PRDM1: variants seen among roughly 807,000 people sequenced by gnomAD.
PRDM1 encodes the protein PR domain zinc finger protein 1.
In PRDM1, 13 loss-of-function variants were observed where a neutral mutation model predicts 62.8. The ratio of observed to expected loss-of-function variants is 0.21; its 90% confidence interval spans 0.13 to 0.33. The LOEUF (loss-of-function observed/expected upper bound fraction) is 0.33, where lower values mean the gene tolerates loss of function less well. Among genes scored for constraint, PRDM1 ranks in the 10% least tolerant of loss-of-function variants. The pLI is 1.00. For missense variants in PRDM1, 895 were observed against 1,058.8 expected (o/e 0.85, Z 2.15); for synonymous variants, 396 against 417.6 (o/e 0.95, Z 0.63).
At chr6:106,005,070 A>C (rs76071086) in intron 1 of PRDM1, among the ~76,000 whole-genome samples, 1,610 of 152,326 alleles carry the variant, frequency 0.011, 24 homozygotes, top group Middle Eastern at 0.024. Flanking sequence ...TGCTTGCTGC[A>C]ATCTTCTTAA....
Position 106,107,677 on chromosome 6 carries a change from CATATATATATATAT to C in PRDM1, c.*200_*213del, listed in dbSNP as rs60217130. The C allele has an allele frequency of 6.0e-5, 12 of 199,010 alleles. 2 individuals are homozygous for C. Among genetic ancestry groups the C allele is most frequent in the Non-Finnish European group, 9.8e-5 (10 of 101,536 alleles). 12.3% of individuals were successfully genotyped at this position (199,010 alleles called of 1,614,324 possible). A position where few individuals can be genotyped will look rare whatever the true frequency, so the allele number is the denominator to read the frequency against. Reference sequence around the variant, plus strand: ...CTCAGGGCATGAACAAGGCAAAGGCCATATATATATATATATATATATCTGTATACATATTATAT... The same window carrying C: ...CTCAGGGCATGAACAAGGCAAAGGCCATATATATCTGTATACATATTATAT... On this transcript the variant is annotated 3_prime_UTR_variant, in exon 7 of 7. Transcript: ENST00000369096.
chr6:106,087,517 C>T (rs908849055), intron 1 of PRDM1: 2 of 232,710 alleles, frequency 8.6e-6, no homozygotes, highest in Admixed American at 1.1e-4. Context: ...TTTTCCTCCT[C>T]TTTTCCTGTG....
intron 3 of PRDM1, chr6:106,098,811 C>CGGGG: frequency 6.6e-7 from 1 of 1,514,638 alleles, no homozygotes. Context: ...AAGCCTTGGG[C>CGGGG]GGGGGTGTAG....
intron 1 of PRDM1, among the ~76,000 whole-genome samples, chr6:106,039,111 CTTCT>C (rs35486140): frequency 0.53 from 80,772 of 151,500 alleles, 22,014 homozygotes; most frequent in East Asian, 0.79. Context: ...AGTAAGTAAT[CTTCT>C]TTCTTGTTCA....
At chr6:106,063,921 G>C (rs532290647) in intron 1 of PRDM1, among the ~76,000 whole-genome samples, 8 of 152,286 alleles carry the variant, frequency 5.3e-5, no homozygotes, top group Admixed American at 4.6e-4. Context: ...ATAGAGAATA[G>C]CTTTGAATTT....
chr6:106,098,340 G>C, intron 3 of PRDM1: 1 of 985,364 alleles, frequency 1.0e-6, no homozygotes, highest in South Asian at 4.7e-5. Context: ...CAGTAAGAGT[G>C]TACGTTTTAA....
At chr6:105,992,976 A>G (rs375927730), upstream of PRDM1, among the ~76,000 whole-genome samples, 1 of 152,218 alleles carries the variant, frequency 6.6e-6, no homozygotes, top group African/African-American at 2.4e-5. Context: ...CCTTCCTCCA[A>G]AAGGATGGTT....
intron 1 of PRDM1, among the ~76,000 whole-genome samples, chr6:106,077,228 G>A (rs1263677115): frequency 6.6e-6 from 1 of 152,178 alleles, no homozygotes; most frequent in Non-Finnish European, 1.5e-5. Flanking sequence ...TGGGAGCTGA[G>A]AACCATTTTA....
chr6:106,030,647 C>A (rs974033336), intron 1 of PRDM1, among the ~76,000 whole-genome samples: 2 of 152,062 alleles, frequency 1.3e-5, no homozygotes, highest in African/African-American at 4.8e-5. Context: ...TTTCTTATGG[C>A]AGTTTCATAG....
chr6:106,031,865 TGA>T (rs1281865524), intron 1 of PRDM1, among the ~76,000 whole-genome samples: 2 of 152,076 alleles, frequency 1.3e-5, no homozygotes, highest in East Asian at 3.9e-4. Context: ...CGAGTTGGAG[TGA>T]GAGTCTGATC....
intron 1 of PRDM1, among the ~76,000 whole-genome samples, chr6:106,015,078 G>T (rs2114553734): frequency 6.6e-6 from 1 of 152,286 alleles, no homozygotes; most frequent in East Asian, 1.9e-4. Flanking sequence ...CCAACCAAGG[G>T]TTCCCTTTGC....
intron 1 of PRDM1, among the ~76,000 whole-genome samples, chr6:106,018,771 C>G (rs985137676): frequency 6.6e-6 from 1 of 152,000 alleles, no homozygotes; most frequent in African/African-American, 2.4e-5. Flanking sequence ...TTATCACTGT[C>G]GACGTTAACC....
intron 2 of PRDM1, among the ~76,000 whole-genome samples, chr6:106,089,752 G>A (rs1773911314): frequency 1.3e-5 from 2 of 152,166 alleles, no homozygotes; most frequent in African/African-American, 2.4e-5. Flanking sequence ...CTCTCAATAT[G>A]TGGCCCTTGG....
chr6:106,022,717 C>T (rs910173834), intron 1 of PRDM1, among the ~76,000 whole-genome samples: 2 of 151,980 alleles, frequency 1.3e-5, no homozygotes, highest in Non-Finnish European at 2.9e-5. Context: ...GAGCCACCCG[C>T]CCAGCCTTTT....
chr6:106,098,706 G>A, intron 3 of PRDM1: 1 of 1,383,696 alleles, frequency 7.2e-7, no homozygotes, highest in East Asian at 3.7e-5. Flanking sequence ...GCCCCACCCA[G>A]TGTTTCCACA....
chr6:106,084,481 T>C (rs1011525338), upstream of PRDM1, among the ~76,000 whole-genome samples: 6 of 152,204 alleles, frequency 3.9e-5, no homozygotes, highest in African/African-American at 1.4e-4. Flanking sequence ...ACCTCAAATA[T>C]CAAACTTTTT....
rs565965311 is a variant in PRDM1 at position 106,107,062 on chromosome 6, G to T, written c.2054G>T (p.Arg685Leu). 1.9e-6 allele frequency: 3 copies of T among 1,614,042 alleles called. No homozygotes were observed. In the African/African-American group the frequency reaches 4.0e-5, roughly 22 times the overall value. The change falls in exon 7 of 7, where the codon CGG (arginine) becomes CTG (leucine). Residue 685 changes from arginine (R) to leucine (L), a missense_variant. Arg to Leu is a moderately radical substitution (Grantham distance 102). This residue lies in a region of PRDM1 where 164 missense variants were observed against 179.9 expected (regional missense o/e 0.91). Coordinates refer to ENST00000369096, the MANE Select transcript of PRDM1 (RefSeq NM_001198.4). ...KLHKRLHTRERPHKCSQCHKN... is the reference protein window; with the variant it reads ...KLHKRLHTRELPHKCSQCHKN... ...CACAAGCGTCTGCACACCCGGGAGC[G>T]GCCCCACAAGTGCTCCCAGTGCCAC...
intron 2 of PRDM1, among the ~76,000 whole-genome samples, chr6:106,091,022 T>C (rs1773946546): frequency 1.3e-5 from 2 of 152,218 alleles, no homozygotes; most frequent in Admixed American, 1.3e-4. Context: ...AAATCAAATA[T>C]AGACCTACTA....
At chr6:106,026,906 C>T (rs1197258848) in intron 1 of PRDM1, among the ~76,000 whole-genome samples, 1 of 152,182 alleles carries the variant, frequency 6.6e-6, no homozygotes. Flanking sequence ...CTAAACGAGT[C>T]ACAGCAGTAA....
Sources: allele counts gnomAD v4.1 joint callset (sites outside exome capture counted in the v4.1 genomes callset), GRCh38; gene constraint gnomAD v4.1.1; regional missense constraint gnomAD v4.1.1; transcripts MANE v1.5; gene names NCBI Gene and HGNC (gene_info 2026-07-23, HGNC 2026-07-21).